Variants in SPATA24 observed in about 807,000 individuals in gnomAD.
The protein encoded by SPATA24 is spermatogenesis associated 24.
In SPATA24, 21 loss-of-function variants were observed where a neutral mutation model predicts 28.9. That is an observed-to-expected ratio of 0.73 (90% CI 0.52 to 1.05). The LOEUF is 1.05. Ranked by LOEUF, SPATA24 falls within the 50% of genes least tolerant of loss-of-function variation. SPATA24 has a pLI of 0.00. For synonymous variants in SPATA24, 76 were observed against 89.9 expected (o/e 0.85, Z 0.88); for missense variants, 215 against 242.9 (o/e 0.88, Z 0.76).
rs1280827784 is a variant in SPATA24 at position 139,401,958 on chromosome 5, G to C, written c.271C>G (p.Leu91Val). ...TTCTCTTTCTCCAGCTGCTTGGATA[G>C]CACCTCTACCTCTCCGAGGGCAAAC... ...LQFALGEVEV[L>V]SKQLEKEKLA... Residue 91 changes from leucine (L) to valine (V), a missense_variant, in exon 3 of 6, where the codon CTA (leucine) becomes GTA (valine). Physicochemically the swap from Leu to Val is conservative, Grantham distance 32. Coordinates refer to ENST00000450845, the MANE Select transcript of SPATA24 (RefSeq NM_194296.2). 6.4e-6 allele frequency: 10 copies of C among 1,551,674 alleles called. No homozygotes were observed. Among genetic ancestry groups the C allele is most frequent in the Non-Finnish European group, 8.7e-6 (10 of 1,147,024 alleles).
downstream of SPATA24, chr5:139,394,507 G>A (rs1758659913): frequency 7.0e-7 from 1 of 1,433,980 alleles, no homozygotes; most frequent in Admixed American, 2.9e-5. Context: ...CTCCTCCAGA[G>A]CCACCTCCAC....
intron 4 of SPATA24, among the ~76,000 whole-genome samples, chr5:139,400,350 A>G (rs1222017591): frequency 1.5e-5 from 2 of 131,184 alleles, no homozygotes; most frequent in Non-Finnish European, 3.2e-5. Flanking sequence ...TTTGTTGCCC[A>G]GGCTGGAGCG....
Position 139,401,980 on chromosome 5 carries a change from A to C in SPATA24, c.249T>G (p.Phe83Leu). The C allele has an allele frequency of 4.5e-6, 7 of 1,551,704 alleles. No individual in the cohort carries two copies. Among genetic ancestry groups the C allele is most frequent in the Non-Finnish European group, 6.1e-6 (7 of 1,146,998 alleles). The change falls in exon 3 of 6, where the codon TTT (phenylalanine) becomes TTG (leucine). Residue 83 changes from phenylalanine to leucine, a missense_variant. Transcript: ENST00000450845. ...LLAKEEEKLQ[F>L]ALGEVEVLSK... ...ATAGCACCTCTACCTCTCCGAGGGC[A>C]AACTGTAACTTCTCCTCTTCCTTGG...
rs558345523 is a variant in SPATA24, at chr5:139,396,816, T to C, written c.602A>G (p.His201Arg). The change falls in exon 6 of 6, where the codon CAT becomes CGT. Residue 201 changes from histidine (H) to arginine (R), a missense_variant. Physicochemically the swap from His to Arg is conservative, Grantham distance 29. Coordinates refer to ENST00000450845, the MANE Select transcript of SPATA24 (RefSeq NM_194296.2). ...GCGGCCATTTTATTTTTCCCTGGGA[T>C]GCTGGTGGCTGCGGGCCTGACGTGT... ...SGTRQARSHQHPREK is the reference protein window; with the variant it reads ...SGTRQARSHQRPREK 2.6e-6 allele frequency: 4 copies of C among 1,551,754 alleles called. No homozygotes were observed. The highest frequency in any genetic ancestry group is 2.7e-5 in the African/African-American group (2 of 73,180).
chr5:139,392,597 C>T (rs1249943374), downstream of SPATA24: 4 of 1,365,862 alleles, frequency 2.9e-6, no homozygotes, highest in Non-Finnish European at 3.8e-6. This position sits in a 1 kb window ranked among gnomAD's most constrained non-coding sequence, Gnocchi z 5.8. Context: ...TGGACGGCAG[C>T]CGCGGGCTCG....
chr5:139,392,668 T>A, downstream of SPATA24: 5 of 1,401,522 alleles, frequency 3.6e-6, no homozygotes, highest in Non-Finnish European at 4.6e-6. The surrounding 1 kb of genome is among the most constrained non-coding windows in gnomAD (Gnocchi z 5.8). Context: ...GGCTTGCATC[T>A]GAGGGGAGCC....
Position 139,396,897 on chromosome 5 carries a change from T to G in SPATA24, c.521A>C (p.Gln174Pro), listed in dbSNP as rs1758721200. ...CACCTGGGCCATGTAGCTCTCCTGCTGCTTCTGGATCCGGAAGTCAGACAT... is the reference window on the plus strand; with the variant it reads ...CACCTGGGCCATGTAGCTCTCCTGCGGCTTCTGGATCCGGAAGTCAGACAT... ...NHMSDFRIQK[Q>P]QESYMAQVLD... Residue 174 changes from glutamine to proline, a missense_variant, in exon 6 of 6, where the codon CAG (glutamine) becomes CCG (proline). Transcript: ENST00000450845. 1.9e-6 allele frequency: 3 copies of G among 1,551,586 alleles called. No homozygotes were observed. Among genetic ancestry groups the G allele is most frequent in the Non-Finnish European group, 2.6e-6 (3 of 1,147,000 alleles).
chr5:139,396,239 AAAT>A (rs1246045712), downstream of SPATA24: 78 of 985,224 alleles, frequency 7.9e-5, no homozygotes, highest in Non-Finnish European at 9.0e-5. Flanking sequence ...GCTTCTGAAA[AAAT>A]GTTGCTGCTC....
chr5:139,393,156 T>C, downstream of SPATA24: 1 of 1,546,752 alleles, frequency 6.5e-7, no homozygotes, highest in Non-Finnish European at 8.7e-7. Flanking sequence ...AGCCTTGTGC[T>C]CCTGCCGGGA....
At chr5:139,396,659 A>G, downstream of SPATA24, 1 of 1,522,466 alleles carries the variant, frequency 6.6e-7, no homozygotes, top group South Asian at 1.2e-5. Flanking sequence ...CTCCTCCCCT[A>G]GGCTACAAGC....
downstream of SPATA24, chr5:139,393,558 A>G: frequency 6.4e-7 from 1 of 1,551,200 alleles, no homozygotes. Context: ...CAATAGGACG[A>G]TCTGGAGCCT....
downstream of SPATA24, chr5:139,392,668 T>G: frequency 1.4e-6 from 2 of 1,401,522 alleles, no homozygotes; most frequent in Non-Finnish European, 1.9e-6. This position sits in a 1 kb window ranked among gnomAD's most constrained non-coding sequence, Gnocchi z 5.8. Context: ...GGCTTGCATC[T>G]GAGGGGAGCC....
downstream of SPATA24, chr5:139,394,644 C>G: frequency 6.5e-7 from 1 of 1,534,658 alleles, no homozygotes. Flanking sequence ...ACGCTGGCCC[C>G]GGCGGCAAGG....
downstream of SPATA24, chr5:139,394,737 GA>G (rs1758664346): frequency 6.5e-7 from 1 of 1,533,214 alleles, no homozygotes; most frequent in African/African-American, 1.4e-5. Flanking sequence ...GTCCGACGCC[GA>G]AGATGACTTC....
intron 4 of SPATA24, among the ~76,000 whole-genome samples, chr5:139,400,804 G>A (rs368815089): frequency 6.6e-6 from 1 of 152,102 alleles, no homozygotes; most frequent in African/African-American, 2.4e-5. Flanking sequence ...TGGCCTACAC[G>A]ATAGTTTTAA....
intron 2 of SPATA24, 92 bp downstream of exon 2, chr5:139,402,536 C>G: frequency 8.6e-7 from 1 of 1,167,684 alleles, no homozygotes; most frequent in Non-Finnish European, 1.2e-6. Flanking sequence ...AGCCACTGCA[C>G]CCATCAGAGG....
downstream of SPATA24, chr5:139,392,900 A>C: frequency 6.5e-7 from 1 of 1,542,586 alleles, no homozygotes; most frequent in Non-Finnish European, 8.8e-7. The surrounding 1 kb of genome is among the most constrained non-coding windows in gnomAD (Gnocchi z 5.8). Flanking sequence ...GTGCGCTTGA[A>C]GGGCTTCGCC....
In SPATA24 at chr5:139,401,750, C is replaced by G; in HGVS notation, c.385+5G>C. The G allele has an allele frequency of 6.4e-7, 1 of 1,551,650 alleles. No individual in the cohort carries two copies. Among genetic ancestry groups the G allele is most frequent in the Non-Finnish European group, 8.7e-7 (1 of 1,146,994 alleles). ...CGTGGTGGAGAGCACGGGCCTCCCG[C>G]CTACCATTGCACTTGGTGATGAGCT... On this transcript the variant is annotated splice_donor_5th_base_variant and intron_variant, in intron 4 of 5. Transcript: ENST00000450845.
In SPATA24 at chr5:139,404,033, C is replaced by G; in HGVS notation, c.28G>C (p.Ala10Pro). 2 of 1,551,898 alleles carry G rather than the reference C, an allele frequency of 1.3e-6. No individual in the cohort carries two copies. Among genetic ancestry groups the G allele is most frequent in the Non-Finnish European group, 1.7e-6 (2 of 1,147,076 alleles). The part of the protein sequence containing the change: MATPLGWSK[A>P]GSGSVCLALD... Reference sequence around the variant, plus strand: ...GCGAGACACACAGATCCTGACCCCGCCTTCGACCACCCGAGGGGCGTCGCC... The same window carrying G: ...GCGAGACACACAGATCCTGACCCCGGCTTCGACCACCCGAGGGGCGTCGCC... Residue 10 changes from alanine (A) to proline (P), a missense_variant, in exon 1 of 6, where the codon GCG becomes CCG. Ala to Pro is a conservative substitution (Grantham distance 27). Transcript: ENST00000450845.
Sources: gnomAD v4.1 joint callset for allele counts (sites outside exome capture counted in the v4.1 genomes callset) on GRCh38, gnomAD v4.1.1 for gene constraint, Gnocchi (gnomAD v3.1) non-coding constraint, MANE v1.5 for transcripts, NCBI Gene and HGNC (gene_info 2026-07-23, HGNC 2026-07-21) for gene names.